GYS1: variants seen among roughly 807,000 people sequenced by gnomAD.
The protein encoded by GYS1 is glycogen [starch] synthase, muscle.
In GYS1, 60 loss-of-function variants were observed where a neutral mutation model predicts 89.1. The observed-to-expected ratio is 0.67, with a 90% CI of 0.55 to 0.84. The LOEUF is 0.84. Ranked by LOEUF, GYS1 falls within the 40% of genes least tolerant of loss-of-function variation. The probability of loss-of-function intolerance (pLI) is 0.00; values close to 1 mark genes in which losing one functional copy is unlikely to be tolerated. For missense variants in GYS1, 888 were observed against 1,003.1 expected (o/e 0.89, Z 1.55); for synonymous variants, 366 against 401.7 (o/e 0.91, Z 1.06).
Position 48,985,971 on chromosome 19 carries a change from A to G in GYS1, c.557T>C (p.Val186Ala). 6.2e-7 allele frequency: 1 copy of G among 1,614,180 alleles called. No individual in the cohort carries two copies. Among genetic ancestry groups the G allele is most frequent in the Non-Finnish European group, 8.5e-7 (1 of 1,180,008 alleles). The change falls in exon 4 of 16, where the codon GTT (valine) becomes GCT (alanine). Residue 186 changes from valine (V) to alanine (A), a missense_variant. Val to Ala is a moderately conservative substitution (Grantham distance 64). Transcript: ENST00000323798. ...CCGGGCACGACACAGGCAGAGTCCAACGCCTGCCAACCACTCATGGAAGTG... is the reference window on the plus strand; with the variant it reads ...CCGGGCACGACACAGGCAGAGTCCAGCGCCTGCCAACCACTCATGGAAGTG... ...VAHFHEWLAG[V>A]GLCLCRARRL...
chr19:48,989,855 C>A (rs528359699), intron 2 of GYS1, among the ~76,000 whole-genome samples: 1 of 152,352 alleles, frequency 6.6e-6, no homozygotes, highest in Non-Finnish European at 1.5e-5. Flanking sequence ...TGGCTGTTTT[C>A]CTCCCTGAGA....
chr19:48,982,388 C>T lies in GYS1; in HGVS notation c.942-13G>A. The T allele has an allele frequency of 2.5e-6, 4 of 1,613,684 alleles. No individual in the cohort carries two copies. Among genetic ancestry groups the T allele is most frequent in the Non-Finnish European group, 3.4e-6 (4 of 1,179,790 alleles). ...GAAGTCCAGATGCCTAAAGAACCCA[C>T]AAGGCACGGTAAAGCCCAAAGCCCT... On this transcript the variant is annotated splice_polypyrimidine_tract_variant and intron_variant, in intron 6 of 15. Transcript: ENST00000323798.
chr19:48,976,653 C>G (rs1293572029), intron 10 of GYS1, among the ~76,000 whole-genome samples: 1 of 152,156 alleles, frequency 6.6e-6, no homozygotes, highest in Admixed American at 6.6e-5. Context: ...AAAACTACCA[C>G]TCCCAGCAGT....
intron 2 of GYS1, among the ~76,000 whole-genome samples, chr19:48,989,115 AT>A (rs374591827): frequency 1.5e-4 from 17 of 114,644 alleles, no homozygotes; most frequent in East Asian, 2.4e-4. Context: ...TCTTTCTTCC[AT>A]TTTTTTTTGT....
rs777596759 is a variant in GYS1, at chr19:48,982,326, G to A, written c.991C>T (p.Arg331Cys). Residue 331 changes from arginine (R) to cysteine (C), a missense_variant, in exon 7 of 16, where the codon CGC (arginine) becomes TGC (cysteine). Coordinates refer to ENST00000323798, the MANE Select transcript of GYS1 (RefSeq NM_002103.5). ...GCACCCTTGTTGGAGAACTCATAGC[G>A]GCCGGCGATAAAGAAGTATAAGGTC... ...DKTLYFFIAG[R>C]YEFSNKGADV... 6 of 1,613,598 alleles carry A rather than the reference G, an allele frequency of 3.7e-6. No homozygotes were observed. The highest frequency in any genetic ancestry group is 2.2e-5 in the South Asian group (2 of 91,082).
In GYS1 at chr19:48,969,434, C is replaced by T; in HGVS notation, c.2068G>A (p.Ala690Thr). ...EAAKDRRNIR[A>T]PEWPRRASCT... ...GACGCTCGGCGCGGCCACTCTGGTGCACGGATGTTGCGCCGGTCCTTGGCG... is the reference window on the plus strand; with the variant it reads ...GACGCTCGGCGCGGCCACTCTGGTGTACGGATGTTGCGCCGGTCCTTGGCG... Residue 690 changes from alanine to threonine, a missense_variant, in exon 16 of 16, where the codon GCA (alanine) becomes ACA (threonine). By Grantham distance (58) the Ala-to-Thr change is moderately conservative (BLOSUM62 0). Transcript: ENST00000323798. 3 of 1,545,918 alleles carry T rather than the reference C, an allele frequency of 1.9e-6. No individual in the cohort carries two copies. Among genetic ancestry groups the T allele is most frequent in the Non-Finnish European group, 2.6e-6 (3 of 1,147,898 alleles).
rs2038495277 is a variant in GYS1 at position 48,968,478 on chromosome 19, A to G, written c.*810T>C. The stretch of plus-strand genomic sequence containing the variant: ...TAAGCCAGGTTAGGGGTGGGGGAAG[A>G]CAGCCAGCTCTGTCCTCTGCAGGCG... On this transcript the variant is annotated 3_prime_UTR_variant, in exon 16 of 16. Coordinates refer to ENST00000323798, the MANE Select transcript of GYS1 (RefSeq NM_002103.5). 1 of 454,460 alleles carries G rather than the reference A, an allele frequency of 2.2e-6. No homozygotes were observed. The highest frequency in any genetic ancestry group is 2.0e-5 in the African/African-American group (1 of 50,026). 28.2% of individuals were successfully genotyped at this position (454,460 alleles called of 1,614,324 possible).
At position 48,981,675 on chromosome 19, in the gene GYS1, G is replaced by T. The variant is rs376165364; in HGVS notation, c.1063-39C>A. The T allele has an allele frequency of 4.0e-5, 52 of 1,309,638 alleles. No individual in the cohort carries two copies. In the African/African-American group the frequency reaches 5.8e-4, roughly 15 times the overall value. The allele number at this position is 1,309,638 out of a possible 1,614,324, so 81.1% of individuals were successfully genotyped here. A position where few individuals can be genotyped will look rare whatever the true frequency, so the allele number is the denominator to read the frequency against. ...AAGGAGGGGGAGGCCAGGATCATGT[G>T]GGGGAAGCCTGGAACCAGCCAGCCT... On this transcript the variant is annotated intron_variant, in intron 7 of 15. Coordinates refer to ENST00000323798, the MANE Select transcript of GYS1 (RefSeq NM_002103.5).
At position 48,991,309 on chromosome 19, in the gene GYS1, C is replaced by T. The variant is rs752838618; in HGVS notation, c.293G>A (p.Gly98Asp). 4 of 1,613,718 alleles carry T rather than the reference C, an allele frequency of 2.5e-6. No individual in the cohort carries two copies. The highest frequency in any genetic ancestry group is 1.3e-5 in the African/African-American group (1 of 74,948). The change falls in exon 2 of 16, where the codon GGC becomes GAC. Residue 98 changes from glycine (G) to aspartate (D), a missense_variant. Gly to Asp is a moderately conservative substitution (Grantham distance 94). Transcript: ENST00000323798. This position sits in a 1 kb window ranked among gnomAD's most constrained non-coding sequence, Gnocchi z 4.7. The stretch of plus-strand genomic sequence containing the variant: ...GGCTGGGCCACGTCCCACCTTGCAG[C>T]CCTTGCTGTTCATGGAATCCAGTGT... ...KRTLDSMNSK[G>D]CKVYFGRWLI...
Position 48,986,011 on chromosome 19 carries a change from G to C in GYS1, c.517C>G (p.Pro173Ala), listed in dbSNP as rs1222404744. Residue 173 changes from proline to alanine, a missense_variant, in exon 4 of 16, where the codon CCA (proline) becomes GCA (alanine). Coordinates refer to ENST00000323798, the MANE Select transcript of GYS1 (RefSeq NM_002103.5). ...TCATGGAAGTGAGCAACCACATGTG[G>C]CTTCTCCTCACTCTGTGCCAGGAAC... ...GEFLAQSEEK[P>A]HVVAHFHEWL... is the part of the protein sequence containing the mutation. The C allele has an allele frequency of 1.2e-6, 2 of 1,614,016 alleles. No individual in the cohort carries two copies. The highest frequency in any genetic ancestry group is 1.7e-6 in the Non-Finnish European group (2 of 1,180,028).
At position 48,985,492 on chromosome 19, in the gene GYS1, G is replaced by A. The variant is rs1057522941; in HGVS notation, c.792C>T (p.Ile264=). Residue 264 remains isoleucine (I), a synonymous_variant, in exon 5 of 16, where the codon ATC becomes ATT. Coordinates refer to ENST00000323798, the MANE Select transcript of GYS1 (RefSeq NM_002103.5). The part of the protein sequence containing the change: ...VFTTVSQITA[I]EAQHLLKRKP... ...TCCTCTTGAGCAAGTGCTGTGCCTCGATGGCGGTGATCTGGGACACAGTAG... is the reference window on the plus strand; with the variant it reads ...TCCTCTTGAGCAAGTGCTGTGCCTCAATGGCGGTGATCTGGGACACAGTAG... The A allele has an allele frequency of 6.2e-7, 1 of 1,614,008 alleles. No homozygotes were observed. The highest frequency in any genetic ancestry group is 8.5e-7 in the Non-Finnish European group (1 of 1,180,034).
At chr19:48,981,385 C>T in intron 8 of GYS1, 145 bp downstream of exon 8, 1 of 676,870 alleles carries the variant, frequency 1.5e-6, no homozygotes, top group Admixed American at 2.1e-5. Context: ...TACACTCCAG[C>T]CTGGGCGACA....
chr19:48,990,000 G>GGT (rs1555800120), intron 2 of GYS1, among the ~76,000 whole-genome samples: 2 of 131,262 alleles, frequency 1.5e-5, no homozygotes, highest in South Asian at 2.3e-4. Flanking sequence ...CCTTTTGCTG[G>GGT]GGGGGGGGGG....
intron 12 of GYS1, among the ~76,000 whole-genome samples, chr19:48,973,433 T>G (rs1218684121): frequency 6.6e-6 from 1 of 152,054 alleles, no homozygotes; most frequent in Non-Finnish European, 1.5e-5. Flanking sequence ...GACTCCTAAT[T>G]ATCATGCAAG....
rs2038502377 is a variant in GYS1 at position 48,968,846 on chromosome 19, C to G, written c.*442G>C. 2.2e-6 allele frequency: 1 copy of G among 461,188 alleles called. No individual in the cohort carries two copies. 28.6% of individuals were successfully genotyped at this position (461,188 alleles called of 1,614,324 possible). ...GACTTGATCGCCCCATTCGCAGGGA[C>G]ACCACGTGGTTTCCAGAACTTGGTG... On this transcript the variant is annotated 3_prime_UTR_variant, in exon 16 of 16. Transcript: ENST00000323798.
chr19:48,986,588 C>T (rs567553539), intron 3 of GYS1, among the ~76,000 whole-genome samples: 3 of 151,578 alleles, frequency 2.0e-5, no homozygotes, highest in South Asian at 2.1e-4. Context: ...CTGCAATTCC[C>T]GCCTCCCAGG....
At chr19:48,969,888 TGA>T in intron 14 of GYS1, 33 bp from the exon 15 acceptor site, 1 of 1,510,760 alleles carries the variant, frequency 6.6e-7, no homozygotes, top group Non-Finnish European at 9.2e-7. Flanking sequence ...GCAGAGGATG[TGA>T]GAGCCAGGCC....
At chr19:48,978,180 G>A in intron 8 of GYS1, 23 bp from the exon 9 acceptor site, 1 of 1,591,946 alleles carries the variant, frequency 6.3e-7, no homozygotes, top group Non-Finnish European at 8.6e-7. Flanking sequence ...GAGCAACAGG[G>A]TCACATACAC....
chr19:48,977,898 T>C, intron 10 of GYS1, 26 bp downstream of exon 10: 3 of 1,582,122 alleles, frequency 1.9e-6, no homozygotes, highest in Non-Finnish European at 2.6e-6. Flanking sequence ...AACTGCTATC[T>C]CTCTGCACAG....
Sources: allele counts gnomAD v4.1 joint callset (sites outside exome capture counted in the v4.1 genomes callset), GRCh38; gene constraint gnomAD v4.1.1; non-coding constraint Gnocchi (gnomAD v3.1); transcripts MANE v1.5; gene names NCBI Gene and HGNC (gene_info 2026-07-23, HGNC 2026-07-21).